The following FHIT variants were observed in gnomAD, a reference collection of about 807,000 sequenced individuals.
FHIT encodes fragile histidine triad diadenosine triphosphatase.
FHIT carries 19 observed loss-of-function variants against 17.9 expected under a neutral mutation model. That is an observed-to-expected ratio of 1.06 (90% CI 0.74 to 1.56). The LOEUF is 1.56. Ranked by LOEUF, FHIT falls within the 40% of genes most tolerant of loss-of-function variation. The pLI is 0.00. For missense variants in FHIT, 248 were observed against 189.2 expected, an observed-to-expected ratio of 1.31 and a Z score of -1.82; for synonymous variants, 81 against 69.7, an observed-to-expected ratio of 1.16 and a Z score of -0.81.
intron 7 of FHIT, among the ~76,000 whole-genome samples, chr3:59,937,711 G>C (rs1706311362): frequency 6.6e-6 from 1 of 152,140 alleles, no homozygotes; most frequent in Non-Finnish European, 1.5e-5. Context: ...CTCCTTAACA[G>C]GGGCTAAATT....
intron 5 of FHIT, among the ~76,000 whole-genome samples, chr3:60,472,958 A>C (rs1553781500): frequency 2.0e-5 from 3 of 152,176 alleles, no homozygotes; most frequent in Non-Finnish European, 2.9e-5. Flanking sequence ...TATCTCCTTT[A>C]GTGCTATATT....
chr3:61,030,520 A>T (rs917224210), intron 3 of FHIT, among the ~76,000 whole-genome samples: 2 of 152,264 alleles, frequency 1.3e-5, no homozygotes, highest in African/African-American at 4.8e-5. Context: ...AATGTCTGCC[A>T]TATACATTTT....
chr3:60,071,429 A>C (rs1369093917), intron 5 of FHIT, among the ~76,000 whole-genome samples: 3 of 152,196 alleles, frequency 2.0e-5, no homozygotes, highest in African/African-American at 7.2e-5. Flanking sequence ...GGGCACTGCA[A>C]CCGTGTCTGT....
intron 8 of FHIT, among the ~76,000 whole-genome samples, chr3:59,858,236 CTTTTTTTTTTTTT>C (rs563841299): frequency 4.7e-5 from 4 of 84,454 alleles, no homozygotes; most frequent in Non-Finnish European, 8.4e-5. Flanking sequence ...TTCCCACCTT[CTTTTTTTTTTTTT>C]TTTTTTTTTT....
At chr3:60,930,065 T>C (rs1553771256) in intron 3 of FHIT, among the ~76,000 whole-genome samples, 1 of 152,000 alleles carries the variant, frequency 6.6e-6, no homozygotes, top group African/African-American at 2.4e-5. Context: ...ATGCCGCATA[T>C]CTACAACTAT....
chr3:59,938,996 G>T (rs572877470), intron 7 of FHIT, among the ~76,000 whole-genome samples: 23 of 152,300 alleles, frequency 1.5e-4, no homozygotes, highest in African/African-American at 5.5e-4. Flanking sequence ...GGGAGCCAGA[G>T]AGATTTATGG....
chr3:61,224,405 T>C (rs1016747137), intron 1 of FHIT, among the ~76,000 whole-genome samples: 1 of 151,072 alleles, frequency 6.6e-6, no homozygotes, highest in South Asian at 2.1e-4. Flanking sequence ...CTTATGTTAC[T>C]ATTTTATTTT....
intron 5 of FHIT, among the ~76,000 whole-genome samples, chr3:60,212,144 T>C (rs990345724): frequency 1.3e-5 from 2 of 152,270 alleles, no homozygotes; most frequent in Non-Finnish European, 1.5e-5. Flanking sequence ...AAAACACTTC[T>C]CCTCAAACTT....
intron 5 of FHIT, among the ~76,000 whole-genome samples, chr3:60,519,367 A>C (rs1304624168): frequency 2.6e-5 from 4 of 152,182 alleles, no homozygotes; most frequent in African/African-American, 9.7e-5. Context: ...AAAAACACCA[A>C]ATAGTTTGAA....
chr3:59,842,617 G>GT (rs1448114023), intron 8 of FHIT, among the ~76,000 whole-genome samples: 1 of 152,114 alleles, frequency 6.6e-6, no homozygotes, highest in African/African-American at 2.4e-5. Context: ...TGGGTATGCA[G>GT]TGATATCTCA....
At chr3:61,077,468 A>G (rs990299106) in intron 2 of FHIT, among the ~76,000 whole-genome samples, 7 of 151,832 alleles carry the variant, frequency 4.6e-5, no homozygotes, top group African/African-American at 1.5e-4. Flanking sequence ...ATTAAAAAAA[A>G]CAAACAAACA....
At chr3:60,830,973 A>G (rs1553742376) in intron 3 of FHIT, among the ~76,000 whole-genome samples, 1 of 152,242 alleles carries the variant, frequency 6.6e-6, no homozygotes, top group African/African-American at 2.4e-5. Context: ...AATACTGTGC[A>G]GCTTGCTTCA....
rs751511750 is a variant in FHIT, at chr3:60,008,121, CAA to C, written c.279+3248_279+3249del. ...AGGTACAGGTGCATAGCCAAACAAACAAAAGACAATGAAGAATGCCTCGAGAG... is the reference window on the plus strand; with the variant it reads ...AGGTACAGGTGCATAGCCAAACAAACAAGACAATGAAGAATGCCTCGAGAG... On this transcript the variant is annotated intron_variant, in intron 7 of 9. Coordinates refer to ENST00000492590, the MANE Select transcript of FHIT (RefSeq NM_002012.4). Among the ~76,000 whole-genome samples, 140 of 152,168 alleles carry C rather than the reference CAA, an allele frequency of 9.2e-4. No homozygotes were observed. The Middle Eastern group carries it at 0.01, about 11-fold the overall frequency.
intron 5 of FHIT, among the ~76,000 whole-genome samples, chr3:60,313,219 C>T (rs560742712): frequency 7.9e-5 from 12 of 152,290 alleles, no homozygotes; most frequent in East Asian, 3.9e-4. Context: ...TATTTAGATA[C>T]GTGCATTAGC....
At chr3:60,467,296 CT>C (rs2032853255) in intron 5 of FHIT, among the ~76,000 whole-genome samples, 1 of 151,652 alleles carries the variant, frequency 6.6e-6, no homozygotes, top group African/African-American at 2.4e-5. Flanking sequence ...AAAAAAACAA[CT>C]TTTTGTTTCA....
chr3:61,026,083 T>C (rs1194054070), intron 3 of FHIT, among the ~76,000 whole-genome samples: 2 of 152,170 alleles, frequency 1.3e-5, no homozygotes, highest in Non-Finnish European at 2.9e-5. Flanking sequence ...ATCTATACTT[T>C]TGTGCATTTT....
At chr3:60,130,789 GTATATACACACATATATA>G (rs1699521703) in intron 5 of FHIT, among the ~76,000 whole-genome samples, 2 of 135,988 alleles carry the variant, frequency 1.5e-5, no homozygotes, top group South Asian at 2.4e-4. Context: ...TGTGTGGTGT[GTATATACACACATATATA>G]TGTGTGTATG....
At chr3:60,866,939 C>G (rs1375453713) in intron 3 of FHIT, among the ~76,000 whole-genome samples, 2 of 152,156 alleles carry the variant, frequency 1.3e-5, no homozygotes, top group African/African-American at 4.8e-5. Flanking sequence ...TTTGCCTCAA[C>G]TATTGAGTCC....
intron 4 of FHIT, among the ~76,000 whole-genome samples, chr3:60,729,085 A>G (rs1204163199): frequency 6.6e-6 from 1 of 152,210 alleles, no homozygotes; most frequent in East Asian, 1.9e-4. Context: ...CAAAAACCCT[A>G]GTGCTGACAC....
Sources: gnomAD v4.1 joint callset for allele counts (sites outside exome capture counted in the v4.1 genomes callset) on GRCh38, gnomAD v4.1.1 for gene constraint, MANE v1.5 for transcripts, NCBI Gene and HGNC (gene_info 2026-07-23, HGNC 2026-07-21) for gene names.